WDR72: variants seen among roughly 807,000 people sequenced by gnomAD.
WDR72 encodes WD repeat domain 72.
A neutral mutation model predicts 124.2 loss-of-function variants in WDR72; 120 were observed. The observed-to-expected ratio is 0.97, with a 90% CI of 0.83 to 1.12. WDR72 has a LOEUF of 1.12. WDR72 is among the 50% of genes most tolerant of loss of function. WDR72 has a pLI of 0.00. For missense variants in WDR72, 1,387 were observed against 1,278.8 expected, an observed-to-expected ratio of 1.08 and a Z score of -1.29; for synonymous variants, 452 against 441.7, an observed-to-expected ratio of 1.02 and a Z score of -0.29.
intron 18 of WDR72, among the ~76,000 whole-genome samples, chr15:53,531,755 T>A (rs56285427): frequency 0.081 from 11,150 of 137,332 alleles, 573 homozygotes; most frequent in Non-Finnish European, 0.11. Context: ...TGTTATCATA[T>A]TGGAGAGCTA....
intron 14 of WDR72, among the ~76,000 whole-genome samples, chr15:53,663,651 T>TCAAGAGA (rs2015681615): frequency 6.6e-6 from 1 of 152,040 alleles, no homozygotes; most frequent in Non-Finnish European, 1.5e-5. Flanking sequence ...AACGCATAGG[T>TCAAGAGA]CAAGAGACAT....
At position 53,523,739 on chromosome 15, in the gene WDR72, A is replaced by C. The variant is rs117912160; in HGVS notation, c.3149-417T>G. ...TGGCAATGTTTCCTCTCACTGCACT[A>C]ATCACAGCTAATGAACATTTTGTGT... On this transcript the variant is annotated intron_variant, in intron 18 of 19. Transcript: ENST00000360509. Among the ~76,000 whole-genome samples the C allele has an allele frequency of 2.9e-3, 439 of 152,192 alleles. 2 individuals are homozygous for C. Among genetic ancestry groups the C allele is most frequent in the Non-Finnish European group, 4.9e-3 (335 of 67,974 alleles).
intron 14 of WDR72, among the ~76,000 whole-genome samples, chr15:53,657,573 A>G (rs2015473603): frequency 6.6e-6 from 1 of 151,902 alleles, no homozygotes; most frequent in Non-Finnish European, 1.5e-5. Flanking sequence ...CAAATGGAGT[A>G]TTTAATCCAA....
In WDR72 at chr15:53,705,177, T is replaced by C. The variant is rs751670305; in HGVS notation, c.1159A>G (p.Met387Val). 7 of 1,614,014 alleles carry C rather than the reference T, an allele frequency of 4.3e-6. No homozygotes were observed. Among genetic ancestry groups the C allele is most frequent in the East Asian group, 2.2e-5 (1 of 44,854 alleles). ...LQDNFDKHDT[M>V]SQSIIDYFSG... is the part of the protein sequence containing the mutation. ...AAATAGTCAATAATACTTTGTGACA[T>C]AGTATCATGCTTATCAAAATTATCT... The change falls in exon 11 of 20, where the codon ATG (methionine) becomes GTG (valine). Residue 387 changes from methionine (M) to valine (V), a missense_variant. Transcript: ENST00000360509.
intron 14 of WDR72, among the ~76,000 whole-genome samples, chr15:53,665,162 C>T (rs1350163657): frequency 1.3e-5 from 2 of 151,832 alleles, no homozygotes; most frequent in Non-Finnish European, 2.9e-5. Context: ...TTGGTTATAT[C>T]AAAAGAATTA....
At chr15:53,629,788 T>A (rs1386919975) in intron 14 of WDR72, among the ~76,000 whole-genome samples, 1 of 152,050 alleles carries the variant, frequency 6.6e-6, no homozygotes, top group African/African-American at 2.4e-5. Flanking sequence ...AATCAGCAGT[T>A]TGGCAATCAT....
At chr15:53,525,233 T>A (rs74017406) in intron 18 of WDR72, among the ~76,000 whole-genome samples, 2,491 of 152,206 alleles carry the variant, frequency 0.016, 61 homozygotes, top group African/African-American at 0.057. Flanking sequence ...AATACTATTA[T>A]GTTGGTCAAG....
chr15:53,623,365 A>G (rs2014078873), intron 14 of WDR72, among the ~76,000 whole-genome samples: 1 of 152,094 alleles, frequency 6.6e-6, no homozygotes, highest in African/African-American at 2.4e-5. Flanking sequence ...GAGAACATGC[A>G]GTATTTGACT....
intron 2 of WDR72, among the ~76,000 whole-genome samples, chr15:53,727,142 T>C (rs1324414916): frequency 6.7e-6 from 1 of 149,886 alleles, no homozygotes; most frequent in East Asian, 2.0e-4. Context: ...TGAAACCCCA[T>C]GTCTATTAAA....
chr15:53,725,056 C>G (rs79200609), intron 2 of WDR72, among the ~76,000 whole-genome samples: 522 of 151,964 alleles, frequency 3.4e-3, no homozygotes, highest in African/African-American at 0.012. Context: ...AAAGTTATAC[C>G]TGATAAAGGA....
intron 14 of WDR72, among the ~76,000 whole-genome samples, chr15:53,624,596 C>T (rs1838659687): frequency 6.6e-6 from 1 of 152,194 alleles, no homozygotes; most frequent in African/African-American, 2.4e-5. Flanking sequence ...ATTTGTGTTC[C>T]TAAATATGGT....
chr15:53,692,910 A>C (rs2016887340), intron 13 of WDR72, among the ~76,000 whole-genome samples: 1 of 152,130 alleles, frequency 6.6e-6, no homozygotes, highest in Admixed American at 6.6e-5. Context: ...AATGTATCCT[A>C]TTTTTTCTTT....
intron 18 of WDR72, among the ~76,000 whole-genome samples, chr15:53,523,608 C>T (rs1393196593): frequency 3.3e-5 from 5 of 151,944 alleles, no homozygotes; most frequent in South Asian, 2.1e-4. Flanking sequence ...AAGTAGAAAT[C>T]GTATTTTTAA....
chr15:53,533,048 G>T (rs1892565315), intron 18 of WDR72, among the ~76,000 whole-genome samples: 1 of 152,104 alleles, frequency 6.6e-6, no homozygotes, highest in Non-Finnish European at 1.5e-5. Flanking sequence ...GCTAACAGAA[G>T]GCTGGTGCTT....
intron 1 of WDR72, among the ~76,000 whole-genome samples, chr15:53,735,652 G>A (rs1259088785): frequency 6.6e-6 from 1 of 152,078 alleles, no homozygotes; most frequent in Non-Finnish European, 1.5e-5. Flanking sequence ...TCACTATCAA[G>A]AGTGAACGAG....
In WDR72 at chr15:53,588,481, C is replaced by T. The variant is rs531620448; in HGVS notation, c.3148+8598G>A. ...AGTAAGTGCTTAATAAGAAATGTTT[C>T]GAGTTATTCAAATTGTTCCAAGGCT... On this transcript the variant is annotated intron_variant, in intron 18 of 19. Coordinates refer to ENST00000360509, the MANE Select transcript of WDR72 (RefSeq NM_182758.4). 3.9e-5 allele frequency among the ~76,000 whole-genome samples: 6 copies of T among 152,038 alleles called. No homozygotes were observed. In the East Asian group the frequency reaches 9.7e-4, roughly 25 times the overall value.
chr15:53,719,448 G>A (rs1420789500), intron 3 of WDR72, among the ~76,000 whole-genome samples: 2 of 152,074 alleles, frequency 1.3e-5, no homozygotes, highest in East Asian at 1.9e-4. Context: ...AGCCCAGAGC[G>A]GTTTACTTCA....
chr15:53,752,236 T>C (rs1187723615), intron 1 of WDR72, among the ~76,000 whole-genome samples: 1 of 152,208 alleles, frequency 6.6e-6, no homozygotes, highest in Non-Finnish European at 1.5e-5. Flanking sequence ...TCTCATCTAA[T>C]ATGAGTTGAA....
intron 2 of WDR72, among the ~76,000 whole-genome samples, chr15:53,724,227 C>T (rs1165505962): frequency 6.6e-6 from 1 of 152,120 alleles, no homozygotes; most frequent in African/African-American, 2.4e-5. Context: ...ATCTAATGTA[C>T]ACATGGTGAC....
Sources: gnomAD v4.1 joint callset for allele counts (sites outside exome capture counted in the v4.1 genomes callset) on GRCh38, gnomAD v4.1.1 for gene constraint, MANE v1.5 for transcripts, NCBI Gene and HGNC (gene_info 2026-07-23, HGNC 2026-07-21) for gene names.